Variants in PDCD1LG2 observed in about 807,000 individuals in gnomAD.
The protein encoded by PDCD1LG2 is B7 dendritic cell molecule.
In PDCD1LG2, 32 loss-of-function variants were observed where a neutral mutation model predicts 28.2. That is an observed-to-expected ratio of 1.13 (90% confidence interval 0.86 to 1.52). The LOEUF is 1.52. Among genes scored for constraint, PDCD1LG2 ranks in the 40% most tolerant of loss-of-function variants. PDCD1LG2 has a pLI of 0.00. For synonymous variants in PDCD1LG2, 116 were observed against 120.2 expected (o/e 0.97, Z 0.23); for missense variants, 385 against 323.8 (o/e 1.19, Z -1.45).
At chr9:5,530,972 T>C (rs997622973) in intron 2 of PDCD1LG2, among the ~76,000 whole-genome samples, 1 of 152,182 alleles carries the variant, frequency 6.6e-6, no homozygotes, top group Non-Finnish European at 1.5e-5. Flanking sequence ...GAAGGCAAGG[T>C]GGTAAAAGAC....
intron 6 of PDCD1LG2, among the ~76,000 whole-genome samples, chr9:5,567,181 C>T (rs142811085): frequency 3.9e-5 from 6 of 152,270 alleles, no homozygotes; most frequent in Non-Finnish European, 5.9e-5. Flanking sequence ...TTAGGAAGGG[C>T]GATGCTATAC....
chr9:5,559,412 T>C (rs1010437466), intron 5 of PDCD1LG2, among the ~76,000 whole-genome samples: 1 of 152,176 alleles, frequency 6.6e-6, no homozygotes, highest in Non-Finnish European at 1.5e-5. Context: ...GCACACAAAC[T>C]TGTGTGCCAT....
intron 3 of PDCD1LG2, among the ~76,000 whole-genome samples, chr9:5,542,152 C>G (rs1448803512): frequency 6.6e-6 from 1 of 152,124 alleles, no homozygotes; most frequent in Non-Finnish European, 1.5e-5. Context: ...AAACTGGATC[C>G]TCATATCTTA....
intron 1 of PDCD1LG2, among the ~76,000 whole-genome samples, chr9:5,517,017 C>T (rs985455038): frequency 3.9e-5 from 6 of 152,220 alleles, no homozygotes; most frequent in African/African-American, 1.2e-4. Flanking sequence ...CCTCCCTGGC[C>T]ACACCTCCAC....
In PDCD1LG2 at chr9:5,549,584, T is replaced by G. The variant is rs1332678403; in HGVS notation, c.611T>G (p.Leu204Trp). ...FWNTHVRELT[L>W]ASIDLQSQME... ...AATACTCACGTGAGGGAACTTACTT[T>G]GGCCAGCATTGACCTTCAAAGTAAG... Residue 204 changes from leucine to tryptophan, a missense_variant, in exon 4 of 7, where the codon TTG becomes TGG. Coordinates refer to ENST00000397747, the MANE Select transcript of PDCD1LG2 (RefSeq NM_025239.4). The G allele has an allele frequency of 6.2e-7, 1 of 1,614,226 alleles. No homozygotes were observed. Among genetic ancestry groups the G allele is most frequent in the African/African-American group, 1.3e-5 (1 of 75,064 alleles).
Position 5,557,706 on chromosome 9 carries a change from G to C in PDCD1LG2, c.720G>C (p.Val240=), listed in dbSNP as rs1324481839. ...CIIAFIFIAT[V]IALRKQLCQK... is the part of the protein sequence containing the mutation. The stretch of plus-strand genomic sequence containing the variant: ...TTGCTTTCATTTTCATAGCCACAGT[G>C]ATAGCCCTAAGAAAACAACTCTGTC... Residue 240 remains valine, a synonymous_variant, in exon 5 of 7, where the codon GTG becomes GTC. Coordinates refer to ENST00000397747, the MANE Select transcript of PDCD1LG2 (RefSeq NM_025239.4). The C allele has an allele frequency of 6.2e-7, 1 of 1,613,924 alleles. No individual in the cohort carries two copies. The highest frequency in any genetic ancestry group is 1.1e-5 in the South Asian group (1 of 91,084).
intron 3 of PDCD1LG2, among the ~76,000 whole-genome samples, chr9:5,540,999 A>G (rs1397009831): frequency 6.6e-6 from 1 of 152,210 alleles, no homozygotes. Context: ...ACAGCATATC[A>G]AAAAGATAAT....
At chr9:5,556,845 G>C (rs1816452261) in intron 4 of PDCD1LG2, among the ~76,000 whole-genome samples, 2 of 152,100 alleles carry the variant, frequency 1.3e-5, no homozygotes, top group African/African-American at 4.8e-5. Flanking sequence ...TGTCAGTCTG[G>C]AGCCCTTGTT....
At chr9:5,551,755 T>A (rs1313990533) in intron 4 of PDCD1LG2, among the ~76,000 whole-genome samples, 3 of 152,150 alleles carry the variant, frequency 2.0e-5, no homozygotes, top group African/African-American at 7.2e-5. Context: ...CTGGCTGAAG[T>A]GAAAGGTGAG....
At chr9:5,558,270 C>G (rs767294976) in intron 5 of PDCD1LG2, among the ~76,000 whole-genome samples, 64 of 152,194 alleles carry the variant, frequency 4.2e-4, no homozygotes, top group Non-Finnish European at 5.1e-4. Context: ...GTTGGTGGTG[C>G]ATTAACGTCT....
intron 3 of PDCD1LG2, among the ~76,000 whole-genome samples, chr9:5,536,276 T>C (rs1820578370): frequency 6.6e-6 from 1 of 152,186 alleles, no homozygotes; most frequent in Non-Finnish European, 1.5e-5. Context: ...TTGAGAGAGA[T>C]AATGAACATA....
chr9:5,523,124 C>A (rs1411689558), intron 2 of PDCD1LG2, among the ~76,000 whole-genome samples: 2 of 152,166 alleles, frequency 1.3e-5, no homozygotes, highest in African/African-American at 4.8e-5. Flanking sequence ...CTGAGTCTTC[C>A]TAAAACCCAA....
intron 4 of PDCD1LG2, among the ~76,000 whole-genome samples, chr9:5,556,191 G>A (rs540036245): frequency 6.6e-6 from 1 of 152,284 alleles, no homozygotes; most frequent in Admixed American, 6.5e-5. Flanking sequence ...AAGAGACTAT[G>A]AGGGAACCTG....
chr9:5,528,170 T>C lies in PDCD1LG2; in HGVS notation c.55+5569T>C, dbSNP rs180792534. The stretch of plus-strand genomic sequence containing the variant: ...TCTAATAGGTGTGTAGAAGTGGTTC[T>C]AACTTGCATTTTCCTAATGACTAAT... On this transcript the variant is annotated intron_variant, in intron 2 of 6. Coordinates refer to ENST00000397747, the MANE Select transcript of PDCD1LG2 (RefSeq NM_025239.4). Among the ~76,000 whole-genome samples, 405 of 150,662 alleles carry C rather than the reference T, an allele frequency of 2.7e-3. 3 individuals carry two copies. The highest frequency in any genetic ancestry group is 4.1e-3 in the Non-Finnish European group (279 of 67,708).
intron 6 of PDCD1LG2, among the ~76,000 whole-genome samples, chr9:5,567,901 C>G (rs1202177606): frequency 6.6e-6 from 1 of 152,186 alleles, no homozygotes; most frequent in Non-Finnish European, 1.5e-5. Flanking sequence ...AGCCAGCTTT[C>G]TATATACTTT....
At chr9:5,540,504 A>G (rs1167038767) in intron 3 of PDCD1LG2, among the ~76,000 whole-genome samples, 4 of 152,192 alleles carry the variant, frequency 2.6e-5, no homozygotes, top group African/African-American at 9.6e-5. Context: ...GAAGATCCAA[A>G]TAATCTCAAT....
chr9:5,538,462 G>A (rs947771617), intron 3 of PDCD1LG2, among the ~76,000 whole-genome samples: 38 of 151,588 alleles, frequency 2.5e-4, no homozygotes, highest in African/African-American at 9.0e-4. Context: ...AAGGCGGGTG[G>A]ATCATGAGGT....
intron 1 of PDCD1LG2, among the ~76,000 whole-genome samples, chr9:5,511,948 G>GCAATACACATA (rs1301541536): frequency 8.5e-5 from 13 of 152,152 alleles, no homozygotes; most frequent in Non-Finnish European, 1.6e-4. Context: ...GTGCTTAGTG[G>GCAATACACATA]GTGCTTGCCG....
intron 3 of PDCD1LG2, 61 bp from the exon 4 acceptor site, chr9:5,549,274 T>C (rs2129872508): frequency 6.8e-7 from 1 of 1,473,052 alleles, no homozygotes; most frequent in Non-Finnish European, 9.2e-7. Flanking sequence ...TGGCATGAAG[T>C]ACCAAGCTCT....
Sources: gnomAD v4.1 joint callset for allele counts (sites outside exome capture counted in the v4.1 genomes callset) on GRCh38, gnomAD v4.1.1 for gene constraint, MANE v1.5 for transcripts, NCBI Gene and HGNC (gene_info 2026-07-23, HGNC 2026-07-21) for gene names.